The following SLC9C1 variants were observed in gnomAD, a reference collection of about 807,000 sequenced individuals.
SLC9C1 encodes sodium/hydrogen exchanger 10.
A neutral mutation model predicts 140.9 loss-of-function variants in SLC9C1; 97 were observed. That is an observed-to-expected ratio of 0.69 (90% CI 0.58 to 0.82). SLC9C1 has a LOEUF of 0.82. SLC9C1 is among the 40% of genes least tolerant of loss of function. The probability of loss-of-function intolerance (pLI) is 0.00; values close to 1 mark genes in which losing one functional copy is unlikely to be tolerated. For missense variants in SLC9C1, 1,340 were observed against 1,389.3 expected, an observed-to-expected ratio of 0.96 and a Z score of 0.56; for synonymous variants, 440 against 442.6, an observed-to-expected ratio of 0.99 and a Z score of 0.07.
intron 1 of SLC9C1, among the ~76,000 whole-genome samples, 173 bp downstream of exon 1, chr3:112,293,920 A>T (rs2080763054): frequency 6.6e-6 from 1 of 152,218 alleles, no homozygotes; most frequent in Non-Finnish European, 1.5e-5. Context: ...GATCTTTGGG[A>T]AAGTGTTCCA....
chr3:112,283,055 A>C (rs538347763), intron 2 of SLC9C1, among the ~76,000 whole-genome samples: 1 of 152,358 alleles, frequency 6.6e-6, no homozygotes, highest in African/African-American at 2.4e-5. Flanking sequence ...CTACTGTTTT[A>C]CCGAGGAGTA....
intron 20 of SLC9C1, chr3:112,185,751 C>A: frequency 3.2e-6 from 5 of 1,541,572 alleles, no homozygotes; most frequent in Non-Finnish European, 4.4e-6. Context: ...GCCTGCCGGG[C>A]TGTCCTTCAG....
chr3:112,250,817 C>T (rs1243069809), intron 10 of SLC9C1, among the ~76,000 whole-genome samples: 1 of 152,136 alleles, frequency 6.6e-6, no homozygotes, highest in East Asian at 1.9e-4. Context: ...AAGGCAGCCA[C>T]AGTGGAAAGC....
At chr3:112,225,731 A>G (rs530239692) in intron 13 of SLC9C1, among the ~76,000 whole-genome samples, 22 of 148,062 alleles carry the variant, frequency 1.5e-4, no homozygotes, top group Non-Finnish European at 3.1e-4. Context: ...ATGAAAAAAG[A>G]TATTTCTGGC....
rs184379423 is a variant in SLC9C1, at chr3:112,244,185, G to A, written c.1198-109C>T. 235 of 629,312 alleles carry A rather than the reference G, an allele frequency of 3.7e-4. No individual in the cohort carries two copies. The African/African-American group carries it at 4.2e-3, about 11-fold the overall frequency. 39.0% of individuals were successfully genotyped at this position (629,312 alleles called of 1,614,324 possible). A position where few individuals can be genotyped will look rare whatever the true frequency, so the allele number is the denominator to read the frequency against. On this transcript the variant is annotated intron_variant, in intron 10 of 28. Coordinates refer to ENST00000305815, the MANE Select transcript of SLC9C1 (RefSeq NM_183061.3). ...TTTCCAATATAAATTAAGCTAGGTTGTACTGTGTTAATAGATGCTCATGGC... is the reference window on the plus strand; with the variant it reads ...TTTCCAATATAAATTAAGCTAGGTTATACTGTGTTAATAGATGCTCATGGC...
intron 16 of SLC9C1, among the ~76,000 whole-genome samples, chr3:112,207,197 C>T (rs1166700226): frequency 6.6e-6 from 1 of 152,072 alleles, no homozygotes; most frequent in Non-Finnish European, 1.5e-5. Flanking sequence ...CCTAGTATAG[C>T]TAAGAAAGTG....
chr3:112,141,007 T>A lies in SLC9C1; in HGVS notation c.*265A>T. The A allele has an allele frequency of 2.9e-6, 1 of 350,830 alleles. No individual in the cohort carries two copies. The allele number at this position is 350,830 out of a possible 1,614,324, so 21.7% of individuals were successfully genotyped here. On this transcript the variant is annotated 3_prime_UTR_variant, in exon 29 of 29. Coordinates refer to ENST00000305815, the MANE Select transcript of SLC9C1 (RefSeq NM_183061.3). ...ATGGCTATAAACTTATTTTCTGGCT[T>A]TAAGACTAAAATTTACTCTAAGATT...
intron 7 of SLC9C1, among the ~76,000 whole-genome samples, chr3:112,267,575 C>CAG (rs2079955285): frequency 1.8e-5 from 1 of 56,852 alleles, no homozygotes; most frequent in Non-Finnish European, 3.0e-5. Context: ...GACTCCGTCT[C>CAG]AAAAAAAAAA....
At chr3:112,229,464 C>T (rs1034590909) in intron 13 of SLC9C1, among the ~76,000 whole-genome samples, 1 of 151,848 alleles carries the variant, frequency 6.6e-6, no homozygotes, top group Non-Finnish European at 1.5e-5. Flanking sequence ...AATTATATGT[C>T]AATTAAAACA....
At chr3:112,190,527 C>T (rs766075314) in intron 20 of SLC9C1, among the ~76,000 whole-genome samples, 8 of 152,106 alleles carry the variant, frequency 5.3e-5, no homozygotes, top group Non-Finnish European at 1.2e-4. Context: ...TCTATTTTCT[C>T]ATAACCTAAT....
intron 2 of SLC9C1, among the ~76,000 whole-genome samples, chr3:112,285,111 T>C (rs916570340): frequency 2.7e-5 from 4 of 150,394 alleles, no homozygotes; most frequent in Non-Finnish European, 4.4e-5. Context: ...CTCAGCCTTC[T>C]GAGTAGCTGG....
At chr3:112,168,303 C>G (rs1353993802) in intron 25 of SLC9C1, among the ~76,000 whole-genome samples, 1 of 150,176 alleles carries the variant, frequency 6.7e-6, no homozygotes, top group African/African-American at 2.5e-5. Flanking sequence ...CTCTCTGATT[C>G]TCCCCCAACA....
chr3:112,252,248 T>C (rs372209566), intron 10 of SLC9C1, among the ~76,000 whole-genome samples: 4 of 152,150 alleles, frequency 2.6e-5, no homozygotes, highest in South Asian at 4.1e-4. Flanking sequence ...GCAGCTGCTC[T>C]ATGGATAAAC....
chr3:112,281,727 G>C (rs1197308799), intron 2 of SLC9C1, among the ~76,000 whole-genome samples: 2 of 152,194 alleles, frequency 1.3e-5, no homozygotes, highest in African/African-American at 4.8e-5. Context: ...GAAGCATTAA[G>C]AAGAATAAGA....
At chr3:112,208,126 A>G (rs2078106754) in intron 16 of SLC9C1, 52 bp downstream of exon 16, 2 of 1,371,708 alleles carry the variant, frequency 1.5e-6, no homozygotes, top group Non-Finnish European at 2.0e-6. Flanking sequence ...AGGCTAGGAA[A>G]TCTCCCTGTC....
intron 11 of SLC9C1, among the ~76,000 whole-genome samples, chr3:112,243,691 TTC>T (rs1408061335): frequency 9.9e-5 from 2 of 20,118 alleles, no homozygotes; most frequent in Non-Finnish European, 8.6e-5. Flanking sequence ...TTTATATGGA[TTC>T]TTTTTTTTTT....
At chr3:112,174,096 G>A (rs1317790490) in intron 23 of SLC9C1, among the ~76,000 whole-genome samples, 1 of 152,132 alleles carries the variant, frequency 6.6e-6, no homozygotes, top group African/African-American at 2.4e-5. Flanking sequence ...TTAGAAAATT[G>A]TCGGTTCATA....
intron 3 of SLC9C1, among the ~76,000 whole-genome samples, chr3:112,280,036 C>T (rs112351651): frequency 4.7e-4 from 71 of 152,294 alleles, no homozygotes; most frequent in African/African-American, 1.6e-3. Context: ...CATATGATTA[C>T]AAAACCTGTT....
intron 4 of SLC9C1, 21 bp downstream of exon 4, chr3:112,278,708 T>C (rs1235102125): frequency 1.5e-5 from 24 of 1,580,508 alleles, no homozygotes; most frequent in Non-Finnish European, 1.8e-5. Flanking sequence ...ATGAATGATA[T>C]TACCAAAAAA....
Sources: gnomAD v4.1 joint callset for allele counts (sites outside exome capture counted in the v4.1 genomes callset) on GRCh38, gnomAD v4.1.1 for gene constraint, MANE v1.5 for transcripts, NCBI Gene and HGNC (gene_info 2026-07-23, HGNC 2026-07-21) for gene names.